MYH10: variants seen among roughly 807,000 people sequenced by gnomAD.
MYH10 encodes the protein myosin-10.
MYH10 carries 55 observed loss-of-function variants against 257.8 expected under a neutral mutation model. The ratio of observed to expected loss-of-function variants is 0.21; its 90% CI spans 0.17 to 0.27. The LOEUF (loss-of-function observed/expected upper bound fraction) is 0.27. Among genes scored for constraint, MYH10 ranks in the 10% least tolerant of loss-of-function variants. The probability of loss-of-function intolerance (pLI) is 1.00; values close to 1 mark genes in which losing one functional copy is unlikely to be tolerated. For missense variants in MYH10, 1,631 were observed against 2,500.6 expected, an observed-to-expected ratio of 0.65 and a Z score of 7.42; for synonymous variants, 854 against 921.7, an observed-to-expected ratio of 0.93 and a Z score of 1.33.
Position 8,535,571 on chromosome 17 carries a change from T to A in MYH10, c.1780-70A>T. ...ACCAAATGCAAAAACAAAAACACTT[T>A]AAGCCTCAACCAGAAACTTTTATAC... is the stretch of plus-strand genomic sequence containing the variant. On this transcript the variant is annotated intron_variant, in intron 15 of 42. Coordinates refer to ENST00000360416, the MANE Select transcript of MYH10 (RefSeq NM_001256012.3). This position sits in a 1 kb window ranked among gnomAD's most constrained non-coding sequence, Gnocchi z 4.3. 1 of 1,424,272 alleles carries A rather than the reference T, an allele frequency of 7.0e-7. No homozygotes were observed. The highest frequency in any genetic ancestry group is 9.7e-7 in the Non-Finnish European group (1 of 1,030,916). The allele number at this position is 1,424,272 out of a possible 1,614,324, so 88.2% of individuals were successfully genotyped here.
intron 42 of MYH10, among the ~76,000 whole-genome samples, chr17:8,476,321 A>G (rs1235883770): frequency 6.6e-6 from 1 of 152,252 alleles, no homozygotes; most frequent in Non-Finnish European, 1.5e-5. Flanking sequence ...GCGTTTTTAT[A>G]ACCATTTAAA....
In MYH10 at chr17:8,545,812, C is replaced by T. The variant is rs8069784; in HGVS notation, c.1279-212G>A. 0.96 allele frequency among the ~76,000 whole-genome samples: 146,783 copies of T among 152,196 alleles called. 71,013 individuals carry two copies. The highest frequency in any genetic ancestry group is 1 in the East Asian group (5,176 of 5,176). ...AACGAATTTGGGGGATGGGTAAAGA[C>T]GCCTAATAAAAATAAGCTCCTCCCC... On this transcript the variant is annotated intron_variant, in intron 12 of 42. Coordinates refer to ENST00000360416, the MANE Select transcript of MYH10 (RefSeq NM_001256012.3). This position sits in a 1 kb window ranked among gnomAD's most constrained non-coding sequence, Gnocchi z 4.7.
At chr17:8,619,524 C>T (rs562709148) in intron 2 of MYH10, among the ~76,000 whole-genome samples, 28 of 152,220 alleles carry the variant, frequency 1.8e-4, no homozygotes, top group African/African-American at 2.2e-4. Flanking sequence ...GTTACATCAA[C>T]GTAAAACAGT....
At chr17:8,547,134 A>G (rs2082471072) in intron 11 of MYH10, among the ~76,000 whole-genome samples, 1 of 152,190 alleles carries the variant, frequency 6.6e-6, no homozygotes, top group Non-Finnish European at 1.5e-5. Flanking sequence ...ACGACAGCCT[A>G]GAACTCCTGG....
intron 37 of MYH10, among the ~76,000 whole-genome samples, chr17:8,483,295 CAAG>C (rs977571966): frequency 4.6e-5 from 7 of 152,026 alleles, no homozygotes; most frequent in African/African-American, 7.3e-5. Flanking sequence ...GTGTCCAACT[CAAG>C]AAGTCAGAAA....
chr17:8,611,702 G>A (rs2085045080), intron 2 of MYH10, among the ~76,000 whole-genome samples: 1 of 152,218 alleles, frequency 6.6e-6, no homozygotes, highest in Admixed American at 6.5e-5. Flanking sequence ...CAAACAGCCA[G>A]AGTGATCCAT....
chr17:8,500,646 A>G (rs1917381156), intron 29 of MYH10, among the ~76,000 whole-genome samples, 180 bp downstream of exon 29: 2 of 152,028 alleles, frequency 1.3e-5, no homozygotes, highest in Admixed American at 1.3e-4. Context: ...TCCTAAGGAG[A>G]CAGTGTGTTT....
At chr17:8,483,603 C>T (rs552025486) in intron 37 of MYH10, among the ~76,000 whole-genome samples, 75 of 152,318 alleles carry the variant, frequency 4.9e-4, no homozygotes, top group Middle Eastern at 3.4e-3. Flanking sequence ...ATCATTTATA[C>T]GGTAATGTGT....
chr17:8,493,313 C>T (rs1025060005), intron 32 of MYH10, among the ~76,000 whole-genome samples: 2 of 150,622 alleles, frequency 1.3e-5, no homozygotes, highest in African/African-American at 4.9e-5. Flanking sequence ...CACTGCACTC[C>T]AGCCTGGGCG....
chr17:8,612,635 G>A (rs571491638), intron 2 of MYH10, among the ~76,000 whole-genome samples: 7 of 152,218 alleles, frequency 4.6e-5, no homozygotes, highest in East Asian at 1.9e-4. Flanking sequence ...GGCAGATCAC[G>A]AGGTCAGGAG....
chr17:8,524,779 G>A (rs970622756), intron 17 of MYH10, among the ~76,000 whole-genome samples: 1 of 152,104 alleles, frequency 6.6e-6, no homozygotes, highest in South Asian at 2.1e-4. Context: ...ACTTCTAAAA[G>A]ACAAAACTAA....
At chr17:8,597,432 T>C (rs916675969) in intron 3 of MYH10, among the ~76,000 whole-genome samples, 8 of 151,818 alleles carry the variant, frequency 5.3e-5, no homozygotes, top group Non-Finnish European at 1.2e-4. Context: ...TATGTACATA[T>C]GTAAGAAGAA....
At chr17:8,580,093 C>T (rs906378609) in intron 4 of MYH10, among the ~76,000 whole-genome samples, 1 of 151,964 alleles carries the variant, frequency 6.6e-6, no homozygotes, top group African/African-American at 2.4e-5. Flanking sequence ...TGCCACTGCA[C>T]TCAAGCCTGG....
At chr17:8,606,903 C>T (rs1267703232) in intron 2 of MYH10, among the ~76,000 whole-genome samples, 2 of 152,188 alleles carry the variant, frequency 1.3e-5, no homozygotes, top group African/African-American at 2.4e-5. Context: ...AAAGTACAGA[C>T]CTGGCAAACC....
Position 8,506,603 on chromosome 17 carries a change from C to A in MYH10, c.3215-114G>T. ...TAAGCCATTTTATTCAAAAGCATGT[C>A]ACTGCCCTGATGACATGGTCATGCG... is the stretch of plus-strand genomic sequence containing the variant. On this transcript the variant is annotated intron_variant, in intron 26 of 42. Transcript: ENST00000360416. The surrounding 1 kb of genome is among the most constrained non-coding windows in gnomAD (Gnocchi z 5.0). 2 of 1,124,124 alleles carry A rather than the reference C, an allele frequency of 1.8e-6. No individual in the cohort carries two copies. Among genetic ancestry groups the A allele is most frequent in the Non-Finnish European group, 1.3e-6 (1 of 777,742 alleles). 69.6% of individuals were successfully genotyped at this position (1,124,124 alleles called of 1,614,324 possible).
intron 7 of MYH10, among the ~76,000 whole-genome samples, chr17:8,562,122 CAG>C (rs1269174288): frequency 6.6e-6 from 1 of 152,232 alleles, no homozygotes; most frequent in Non-Finnish European, 1.5e-5. Flanking sequence ...CACTCATACT[CAG>C]ATATTTTACA....
At chr17:8,515,034 ACT>A (rs768382354) in intron 21 of MYH10, among the ~76,000 whole-genome samples, 17 of 151,904 alleles carry the variant, frequency 1.1e-4, no homozygotes, top group Non-Finnish European at 1.9e-4. Flanking sequence ...TCCCACCTAG[ACT>A]CTGAGTTCCT....
In MYH10 at chr17:8,588,029, C is replaced by T. The variant is rs1018325804; in HGVS notation, c.530+1052G>A. Among the ~76,000 whole-genome samples the T allele has an allele frequency of 3.3e-5, 5 of 151,936 alleles. No homozygotes were observed. In the South Asian group the frequency reaches 6.2e-4, roughly 19 times the overall value. Reference sequence around the variant, plus strand: ...GAAGTGCTGACCCCTCCCTCTGTCCCGAAATGCCTCTCTCCCCTTGACTGC... The same window carrying T: ...GAAGTGCTGACCCCTCCCTCTGTCCTGAAATGCCTCTCTCCCCTTGACTGC... On this transcript the variant is annotated intron_variant, in intron 4 of 42. Coordinates refer to ENST00000360416, the MANE Select transcript of MYH10 (RefSeq NM_001256012.3).
chr17:8,556,089 C>T (rs1372577476), intron 7 of MYH10, among the ~76,000 whole-genome samples: 1 of 152,224 alleles, frequency 6.6e-6, no homozygotes, highest in Non-Finnish European at 1.5e-5. Context: ...CACGATGAGA[C>T]ACCACTATAT....
Sources: gnomAD v4.1 joint callset for allele counts (sites outside exome capture counted in the v4.1 genomes callset) on GRCh38, gnomAD v4.1.1 for gene constraint, Gnocchi (gnomAD v3.1) non-coding constraint, MANE v1.5 for transcripts, NCBI Gene and HGNC (gene_info 2026-07-23, HGNC 2026-07-21) for gene names.